The following CAST variants were observed in gnomAD, a reference collection of about 807,000 sequenced individuals.
CAST encodes the protein calpastatin, also known as MIR583 host.
CAST carries 76 observed loss-of-function variants against 119.6 expected under a neutral mutation model. That is an observed-to-expected ratio of 0.64 (90% CI 0.53 to 0.77). The LOEUF is 0.77. CAST is among the 30% of genes least tolerant of loss of function. CAST has a pLI of 0.00. For missense variants in CAST, 953 were observed against 946.5 expected (o/e 1.01, Z -0.09); for synonymous variants, 319 against 331.6 (o/e 0.96, Z 0.41).
chr5:96,698,118 T>G (rs564655036), intron 3 of CAST, among the ~76,000 whole-genome samples: 46 of 152,354 alleles, frequency 3.0e-4, no homozygotes, highest in African/African-American at 1.1e-3. Flanking sequence ...ATCTAAACTT[T>G]TGAAGGTTTA....
chr5:96,416,720 C>T, the CAST span, among the ~76,000 whole-genome samples: 2 of 152,216 alleles, frequency 1.3e-5, no homozygotes, highest in Non-Finnish European at 2.9e-5. Flanking sequence ...ATTTGCAAGA[C>T]ATTACCAGCT....
At chr5:96,210,145 A>G in the CAST span, 1 of 151,894 alleles carries the variant, frequency 6.6e-6, no homozygotes, top group Admixed American at 6.6e-5. Flanking sequence ...CCTCATGAAT[A>G]TGTGTGTCAT....
chr5:96,707,205 G>A (rs1197166818), intron 3 of CAST, among the ~76,000 whole-genome samples: 2 of 152,054 alleles, frequency 1.3e-5, no homozygotes, highest in Non-Finnish European at 1.5e-5. Context: ...ACCTTTTGTC[G>A]TTTTCCCTGG....
At chr5:96,627,309 T>G (rs539702855) in intron 1 of CAST, among the ~76,000 whole-genome samples, 31 of 152,350 alleles carry the variant, frequency 2.0e-4, no homozygotes, top group African/African-American at 7.2e-4. Context: ...TTTGAGAAAG[T>G]GTCTACAACT....
chr5:96,107,291 A>G, the CAST span, among the ~76,000 whole-genome samples: 16 of 151,454 alleles, frequency 1.1e-4, no homozygotes, highest in African/African-American at 2.9e-4. Flanking sequence ...TATTTTGCTC[A>G]TTAGTTGATG....
chr5:96,273,599 A>C, the CAST span, among the ~76,000 whole-genome samples: 1 of 152,328 alleles, frequency 6.6e-6, no homozygotes, highest in South Asian at 2.1e-4. Flanking sequence ...TTGCTGACTG[A>C]ACCTTCTTAT....
chr5:96,201,651 G>A, the CAST span, among the ~76,000 whole-genome samples: 1 of 151,864 alleles, frequency 6.6e-6, no homozygotes. Flanking sequence ...TCGTAATCCA[G>A]CTACTGTAGA....
chr5:96,363,319 C>A, the CAST span, among the ~76,000 whole-genome samples: 1 of 149,294 alleles, frequency 6.7e-6, no homozygotes, highest in Non-Finnish European at 1.5e-5. Flanking sequence ...GCAATGTGGG[C>A]TCTTTTTTGG....
chr5:96,291,173 G>A, the CAST span, among the ~76,000 whole-genome samples: 1 of 152,212 alleles, frequency 6.6e-6, no homozygotes, highest in Non-Finnish European at 1.5e-5. Context: ...ACTCTTGAGA[G>A]AGCCTGAGCT....
intron 1 of CAST, among the ~76,000 whole-genome samples, chr5:96,641,005 A>G (rs369081324): frequency 1.3e-5 from 2 of 152,354 alleles, no homozygotes; most frequent in African/African-American, 4.8e-5. Context: ...GAAGGAGAAA[A>G]TAAATATTGC....
At chr5:96,096,990 TA>T in the CAST span, among the ~76,000 whole-genome samples, 4 of 152,296 alleles carry the variant, frequency 2.6e-5, no homozygotes, top group Non-Finnish European at 4.4e-5. Context: ...AGGGTCCTTT[TA>T]AAAAAATATA....
chr5:96,516,979 T>G, the CAST span, among the ~76,000 whole-genome samples: 1 of 152,172 alleles, frequency 6.6e-6, no homozygotes, highest in Non-Finnish European at 1.5e-5. Context: ...GTGTGCACAC[T>G]AGGGTGAGCA....
the CAST span, among the ~76,000 whole-genome samples, chr5:95,998,268 T>G: frequency 6.6e-6 from 1 of 152,102 alleles, no homozygotes; most frequent in Non-Finnish European, 1.5e-5. Flanking sequence ...AAATTTAAAT[T>G]TTTTTATATA....
At chr5:96,436,720 T>TAC in the CAST span, among the ~76,000 whole-genome samples, 6 of 152,082 alleles carry the variant, frequency 3.9e-5, no homozygotes, top group Admixed American at 3.9e-4. Flanking sequence ...AATTGGAAAA[T>TAC]ACACACACCT....
At chr5:96,672,015 G>GTTAA in intron 1 of CAST, among the ~76,000 whole-genome samples, 1 of 152,332 alleles carries the variant, frequency 6.6e-6, no homozygotes. Flanking sequence ...CAGGGCAATG[G>GTTAA]TTAATTGATA....
chr5:96,601,188 C>T (rs187383148), intron 1 of CAST, among the ~76,000 whole-genome samples: 8 of 152,260 alleles, frequency 5.3e-5, no homozygotes, highest in African/African-American at 1.9e-4. Flanking sequence ...TATTACTTTC[C>T]TTATTACCAC....
chr5:96,327,246 C>T, the CAST span, among the ~76,000 whole-genome samples: 4 of 152,206 alleles, frequency 2.6e-5, no homozygotes, highest in Non-Finnish European at 5.9e-5. Context: ...GGACTTACTA[C>T]AGTTTTTCGC....
intron 1 of CAST, among the ~76,000 whole-genome samples, chr5:96,651,181 T>A (rs923020490): frequency 6.6e-6 from 1 of 152,200 alleles, no homozygotes; most frequent in Non-Finnish European, 1.5e-5. Flanking sequence ...GACAAAAATC[T>A]ACTGTGCCCT....
At chr5:96,452,879 A>G in the CAST span, among the ~76,000 whole-genome samples, 5 of 130,314 alleles carry the variant, frequency 3.8e-5, no homozygotes, top group African/African-American at 5.9e-5. Context: ...GAACCCGGGA[A>G]GCGGAGCTTG....
Sources: allele counts gnomAD v4.1 joint callset (sites outside exome capture counted in the v4.1 genomes callset), GRCh38; gene constraint gnomAD v4.1.1; transcripts MANE v1.5; gene names NCBI Gene and HGNC (gene_info 2026-07-23, HGNC 2026-07-21).